Variants in RGSL1 observed in about 807,000 individuals in gnomAD.
The protein encoded by RGSL1 is regulator of G protein signaling like 1, also known as regulator of G protein signaling protein-like.
Under a neutral mutation model 124.7 loss-of-function variants are expected in RGSL1, and 97 were observed. The ratio of observed to expected loss-of-function variants is 0.78; its 90% confidence interval spans 0.66 to 0.92. The LOEUF is 0.92. Among genes scored for constraint, RGSL1 ranks in the 40% least tolerant of loss-of-function variants. The pLI, the probability that RGSL1 is intolerant of heterozygous loss-of-function variation, is 0.00. For missense variants in RGSL1, 1,233 were observed against 1,288.4 expected, an observed-to-expected ratio of 0.96 and a Z score of 0.66; for synonymous variants, 424 against 438.1, an observed-to-expected ratio of 0.97 and a Z score of 0.40.
intron 14 of RGSL1, among the ~76,000 whole-genome samples, 171 bp from the exon 15 acceptor site, chr1:182,540,076 A>G (rs1354784215): frequency 6.6e-6 from 1 of 152,196 alleles, no homozygotes; most frequent in African/African-American, 2.4e-5. Flanking sequence ...ATCTGAGTAG[A>G]TGACTTTTTC....
chr1:182,486,347 G>A lies in RGSL1; in HGVS notation c.1432-1938G>A, dbSNP rs181489668. Reference sequence around the variant, plus strand: ...TTTTTTTGAGAAAAAGTCTCCCTCTGTTGCCCAGGCTGAAATGCAGTAGCA... The same window carrying A: ...TTTTTTTGAGAAAAAGTCTCCCTCTATTGCCCAGGCTGAAATGCAGTAGCA... On this transcript the variant is annotated intron_variant, in intron 6 of 21. Coordinates refer to ENST00000294854, the MANE Select transcript of RGSL1 (RefSeq NM_001137669.2). Among the ~76,000 whole-genome samples, 14 of 132,506 alleles carry A rather than the reference G, an allele frequency of 1.1e-4. No individual in the cohort carries two copies. In the East Asian group the frequency reaches 2.8e-3, roughly 26 times the overall value. The allele number at this position is 132,506 out of a possible 152,430, so 86.9% of individuals were successfully genotyped here. A position where few individuals can be genotyped will look rare whatever the true frequency, so the allele number is the denominator to read the frequency against.
At chr1:182,515,084 T>A (rs182556320) in intron 9 of RGSL1, among the ~76,000 whole-genome samples, 23 of 152,138 alleles carry the variant, frequency 1.5e-4, no homozygotes, top group South Asian at 8.3e-4. Context: ...CATCCCCGAG[T>A]CCCAGCAACC....
chr1:182,514,890 G>C (rs967565624), intron 9 of RGSL1, among the ~76,000 whole-genome samples: 1 of 152,240 alleles, frequency 6.6e-6, no homozygotes, highest in African/African-American at 2.4e-5. Context: ...GAGGGTCAAA[G>C]TAGTCCCAAG....
In RGSL1 at chr1:182,473,705, C is replaced by T. The variant is rs1654040582; in HGVS notation, c.594C>T (p.Thr198=). 2 of 1,551,538 alleles carry T rather than the reference C, an allele frequency of 1.3e-6. No homozygotes were observed. The highest frequency in any genetic ancestry group is 1.4e-5 in the African/African-American group (1 of 73,018). ...GGCTTCCCAACTTTTACACCCACAC[C>T]AAGATGACCATGGCCAAGGAGGAAG... The part of the protein sequence containing the change: ...SYWLPNFYTH[T]KMTMAKEEAC... The change falls in exon 6 of 22, where the codon ACC becomes ACT. Residue 198 remains threonine (T), a synonymous_variant. Transcript: ENST00000294854.
chr1:182,536,437 G>C (rs76307552), intron 14 of RGSL1, among the ~76,000 whole-genome samples: 1 of 152,098 alleles, frequency 6.6e-6, no homozygotes, highest in African/African-American at 2.4e-5. Context: ...AGTTTCAACC[G>C]TTCCCCATCC....
At chr1:182,492,375 G>A (rs955801574) in intron 8 of RGSL1, among the ~76,000 whole-genome samples, 1 of 152,112 alleles carries the variant, frequency 6.6e-6, no homozygotes, top group African/African-American at 2.4e-5. Flanking sequence ...TGCTTTGAAG[G>A]AGTCACCATT....
chr1:182,547,844 G>C (rs1660313358), intron 15 of RGSL1, among the ~76,000 whole-genome samples: 2 of 151,884 alleles, frequency 1.3e-5, no homozygotes, highest in Non-Finnish European at 2.9e-5. Flanking sequence ...CTGGGATACA[G>C]AGTGAGACTC....
chr1:182,534,768 A>G (rs1248525944), intron 14 of RGSL1, among the ~76,000 whole-genome samples: 2 of 152,016 alleles, frequency 1.3e-5, no homozygotes, highest in Non-Finnish European at 2.9e-5. Flanking sequence ...CAGAGGTTGC[A>G]GTGATCCGAG....
chr1:182,451,143 CA>C (rs569488586), intron 1 of RGSL1, among the ~76,000 whole-genome samples: 19,706 of 104,998 alleles, frequency 0.19, 1,114 homozygotes, highest in East Asian at 0.26. Flanking sequence ...GAGACTTTGG[CA>C]AAAAAAAAAA....
intron 4 of RGSL1, among the ~76,000 whole-genome samples, chr1:182,464,979 G>A (rs1299416742): frequency 3.3e-5 from 5 of 151,392 alleles, no homozygotes; most frequent in Non-Finnish European, 7.4e-5. Context: ...TACTAGCTGA[G>A]GAACGAGGAT....
rs752405044 is a variant in RGSL1, at chr1:182,488,990, G to C, written c.1505G>C (p.Arg502Thr). The change falls in exon 8 of 22, where the codon AGG (arginine) becomes ACG (threonine). Residue 502 changes from arginine to threonine, a missense_variant. Arg to Thr is a moderately conservative substitution (Grantham distance 71). Transcript: ENST00000294854. Reference protein sequence around the residue: ...YWFLLFTTQNRFISSRQHKRE... With the variant: ...YWFLLFTTQNTFISSRQHKRE... The stretch of plus-strand genomic sequence containing the variant: ...ACCCTCTTCTCTTAGACACAGAACA[G>C]GTTCATCAGCTCCAGACAGCATAAA... 1 of 1,550,538 alleles carries C rather than the reference G, an allele frequency of 6.4e-7. No individual in the cohort carries two copies. The highest frequency in any genetic ancestry group is 1.2e-5 in the South Asian group (1 of 84,010).
At chr1:182,492,947 C>A in intron 8 of RGSL1, 75 bp from the exon 9 acceptor site, 1 of 1,035,420 alleles carries the variant, frequency 9.7e-7, no homozygotes, top group Non-Finnish European at 1.5e-6. Flanking sequence ...GCAATACCTT[C>A]AACAAAAGTA....
intron 9 of RGSL1, among the ~76,000 whole-genome samples, chr1:182,517,402 A>G (rs1272004926): frequency 6.7e-6 from 1 of 149,840 alleles, no homozygotes; most frequent in Admixed American, 6.7e-5. Flanking sequence ...CTGTACCTGG[A>G]TACTTATCTC....
chr1:182,454,263 C>T (rs1652090150), intron 2 of RGSL1, among the ~76,000 whole-genome samples: 1 of 152,118 alleles, frequency 6.6e-6, no homozygotes. Context: ...TCCTAAATCC[C>T]CAGCCTCCTT....
intron 13 of RGSL1, 148 bp downstream of exon 13, chr1:182,531,058 C>A: frequency 1.1e-6 from 1 of 947,184 alleles, no homozygotes; most frequent in Non-Finnish European, 1.5e-6. Context: ...CCTCTCTTCT[C>A]TACCTGTGAT....
chr1:182,555,971 A>G (rs781119032), intron 20 of RGSL1, 53 bp from the exon 21 acceptor site: 28 of 1,481,772 alleles, frequency 1.9e-5, no homozygotes, highest in East Asian at 2.5e-5. Flanking sequence ...AGAGAATGCA[A>G]CCTCAATTAC....
chr1:182,474,511 G>C lies in RGSL1; in HGVS notation c.1400G>C (p.Trp467Ser). 1 of 1,547,922 alleles carries C rather than the reference G, an allele frequency of 6.5e-7. No homozygotes were observed. Among genetic ancestry groups the C allele is most frequent in the Non-Finnish European group, 8.7e-7 (1 of 1,144,130 alleles). The change falls in exon 6 of 22, where the codon TGG becomes TCG. Residue 467 changes from tryptophan to serine, a missense_variant. Physicochemically the swap from Trp to Ser is radical, Grantham distance 177. Coordinates refer to ENST00000294854, the MANE Select transcript of RGSL1 (RefSeq NM_001137669.2). ...ELLPSGDVIP[W>S]IPKAQKEICK... Reference sequence around the variant, plus strand: ...TTGCCCTCTGGGGATGTGATCCCCTGGATTCCCAAAGCCCAGAAGGAGATT... The same window carrying C: ...TTGCCCTCTGGGGATGTGATCCCCTCGATTCCCAAAGCCCAGAAGGAGATT...
chr1:182,545,841 A>G (rs1196128709), intron 15 of RGSL1, among the ~76,000 whole-genome samples: 1 of 151,914 alleles, frequency 6.6e-6, no homozygotes, highest in African/African-American at 2.4e-5. Context: ...TGCTTTTAGG[A>G]TTCTCTCTCT....
chr1:182,540,547 C>T, intron 15 of RGSL1, 126 bp downstream of exon 15: 1 of 720,466 alleles, frequency 1.4e-6, no homozygotes, highest in Non-Finnish European at 2.0e-6. Flanking sequence ...AGAGTCTCTC[C>T]TTCTGAAAAT....
Sources: allele counts gnomAD v4.1 joint callset (sites outside exome capture counted in the v4.1 genomes callset), GRCh38; gene constraint gnomAD v4.1.1; transcripts MANE v1.5; gene names NCBI Gene and HGNC (gene_info 2026-07-23, HGNC 2026-07-21).